RASGEF1C: variants seen among roughly 807,000 people sequenced by gnomAD.
The protein encoded by RASGEF1C is ras-GEF domain-containing family member 1C.
In RASGEF1C, 27 loss-of-function variants were observed where a neutral mutation model predicts 58.1. The observed-to-expected ratio is 0.46, with a 90% CI of 0.34 to 0.64. The LOEUF is 0.64. Ranked by LOEUF, RASGEF1C falls within the 30% of genes least tolerant of loss-of-function variation. RASGEF1C has a pLI of 0.01. For missense variants in RASGEF1C, 502 were observed against 605.1 expected (o/e 0.83, Z 1.79); for synonymous variants, 243 against 246.3 (o/e 0.99, Z 0.13).
Position 180,162,993 on chromosome 5 carries a change from C to T in RASGEF1C, c.-6-24935G>A, listed in dbSNP as rs535890116. ...AGTATCTTTGGGGGGCTGGGAGTAG[C>T]TATAGCAAACAGCATTGTATTTTAG... On this transcript the variant is annotated intron_variant, in intron 1 of 13. Transcript: ENST00000361132. Among the ~76,000 whole-genome samples, 14 of 152,220 alleles carry T rather than the reference C, an allele frequency of 9.2e-5. No individual in the cohort carries two copies. In the South Asian group the frequency reaches 2.9e-3, roughly 32 times the overall value.
At chr5:180,208,070 C>A (rs1756521315) in intron 1 of RASGEF1C, among the ~76,000 whole-genome samples, 1 of 152,144 alleles carries the variant, frequency 6.6e-6, no homozygotes. Flanking sequence ...GAGTGGACAA[C>A]CCTAGCCCCC....
At chr5:180,175,695 T>C (rs142530119) in intron 1 of RASGEF1C, among the ~76,000 whole-genome samples, 1 of 152,244 alleles carries the variant, frequency 6.6e-6, no homozygotes, top group Non-Finnish European at 1.5e-5. Context: ...AATAGTGACA[T>C]GCCTTTAAAA....
At position 180,178,908 on chromosome 5, in the gene RASGEF1C, G is replaced by C. The variant is rs183918397; in HGVS notation, c.-7+30120C>G. Among the ~76,000 whole-genome samples the C allele has an allele frequency of 2.9e-3, 439 of 152,306 alleles. 3 individuals are homozygous for C. Among genetic ancestry groups the C allele is most frequent in the African/African-American group, 0.01 (420 of 41,568 alleles). On this transcript the variant is annotated intron_variant, in intron 1 of 13. Coordinates refer to ENST00000361132, the MANE Select transcript of RASGEF1C (RefSeq NM_175062.4). ...GAAGGGACTGGAGAATGTTCTTGGG[G>C]GGGGAGGGGCGCAGGTGCCAAGGAG...
rs940717369 is a variant in RASGEF1C, at chr5:180,155,222, G to A, written c.-6-17164C>T. Among the ~76,000 whole-genome samples, 4 of 152,196 alleles carry A rather than the reference G, an allele frequency of 2.6e-5. No individual in the cohort carries two copies. The highest frequency in any genetic ancestry group is 4.1e-4 in the South Asian group (2 of 4,834). ...ATGCTAGCTCATGTCTGGCTGCCCC[G>A]AGCAGTGGTAGCATCACGTCTAGGC... On this transcript the variant is annotated intron_variant, in intron 1 of 13. Transcript: ENST00000361132. This position sits in a 1 kb window ranked among gnomAD's most constrained non-coding sequence, Gnocchi z 5.2.
intron 1 of RASGEF1C, among the ~76,000 whole-genome samples, chr5:180,188,845 G>A (rs1429964641): frequency 6.6e-6 from 1 of 152,180 alleles, no homozygotes; most frequent in East Asian, 1.9e-4. Flanking sequence ...CCCTCTAGTA[G>A]TCCTCAGTGT....
At chr5:180,135,157 A>G (rs1766450762) in intron 4 of RASGEF1C, 1 of 150,064 alleles carries the variant, frequency 6.7e-6, no homozygotes, top group Non-Finnish European at 1.5e-5. Context: ...AGAGGAGGCC[A>G]TGAGGAGCAG....
intron 11 of RASGEF1C, among the ~76,000 whole-genome samples, chr5:180,113,883 G>A (rs143230121): frequency 0.014 from 2,089 of 152,130 alleles, 23 homozygotes; most frequent in Admixed American, 0.028. Context: ...GATCGAGGAT[G>A]GATGGAGGGA....
intron 1 of RASGEF1C, among the ~76,000 whole-genome samples, chr5:180,146,608 T>TAGA (rs1358133255): frequency 2.0e-5 from 3 of 152,196 alleles, no homozygotes; most frequent in African/African-American, 4.8e-5. Flanking sequence ...TGTTAATCTA[T>TAGA]TGTATTACAT....
intron 1 of RASGEF1C, among the ~76,000 whole-genome samples, chr5:180,153,285 T>C (rs1766794364): frequency 6.6e-6 from 1 of 152,058 alleles, no homozygotes; most frequent in Non-Finnish European, 1.5e-5. Context: ...GAGTGCAAGG[T>C]CTTTATGGCC....
Position 180,108,491 on chromosome 5 carries a change from G to T in RASGEF1C, c.1303+2966C>A, listed in dbSNP as rs1046054179. Among the ~76,000 whole-genome samples the T allele has an allele frequency of 1.3e-5, 2 of 152,024 alleles. 1 individual carries two copies. Among genetic ancestry groups the T allele is most frequent in the Admixed American group, 1.3e-4 (2 of 15,256 alleles). ...GCTGGGATTACAAGCACGAGCCACCGCGCCCAGCCGTTTCAGTCTATTTTC... is the reference window on the plus strand; with the variant it reads ...GCTGGGATTACAAGCACGAGCCACCTCGCCCAGCCGTTTCAGTCTATTTTC... On this transcript the variant is annotated intron_variant, in intron 12 of 13. Transcript: ENST00000361132.
Position 180,138,071 on chromosome 5 carries a change from G to C in RASGEF1C, c.-6-13C>G, listed in dbSNP as rs4700878. ...GTGGCATGTCTGCCTGCAATGGCAAGGAGCAGTGAGGACCTGAGTGGGGGC... is the reference window on the plus strand; with the variant it reads ...GTGGCATGTCTGCCTGCAATGGCAACGAGCAGTGAGGACCTGAGTGGGGGC... On this transcript the variant is annotated splice_polypyrimidine_tract_variant and intron_variant, in intron 1 of 13. Transcript: ENST00000361132. 1,455,173 of 1,473,308 alleles carry C rather than the reference G, an allele frequency of 0.99. 720,410 individuals carry two copies. The highest frequency in any genetic ancestry group is 1 in the East Asian group (39,084 of 39,084). The allele number at this position is 1,473,308 out of a possible 1,614,324, so 91.3% of individuals were successfully genotyped here. A position where few individuals can be genotyped will look rare whatever the true frequency, so the allele number is the denominator to read the frequency against.
In RASGEF1C at chr5:180,155,529, G is replaced by T. The variant is rs1766835077; in HGVS notation, c.-6-17471C>A. ...CTCCATATGGCCTTCAACTCCTGCTGACAGATCCCGCTGTCTCCCTCAGGA... is the reference window on the plus strand; with the variant it reads ...CTCCATATGGCCTTCAACTCCTGCTTACAGATCCCGCTGTCTCCCTCAGGA... On this transcript the variant is annotated intron_variant, in intron 1 of 13. Transcript: ENST00000361132. This position sits in a 1 kb window ranked among gnomAD's most constrained non-coding sequence, Gnocchi z 5.2. 6.6e-6 allele frequency among the ~76,000 whole-genome samples: 1 copy of T among 152,092 alleles called. No homozygotes were observed. The highest frequency in any genetic ancestry group is 2.4e-5 in the African/African-American group (1 of 41,422).
intron 1 of RASGEF1C, among the ~76,000 whole-genome samples, chr5:180,192,083 A>G (rs1756174014): frequency 6.6e-6 from 1 of 152,168 alleles, no homozygotes; most frequent in African/African-American, 2.4e-5. Flanking sequence ...ATTGGGAAGG[A>G]CCCTGTGCTT....
At chr5:180,175,361 G>C (rs898983809) in intron 1 of RASGEF1C, among the ~76,000 whole-genome samples, 2 of 152,190 alleles carry the variant, frequency 1.3e-5, no homozygotes, top group African/African-American at 4.8e-5. Flanking sequence ...CCTCGCCCCA[G>C]CTCCTGAGCA....
At chr5:180,172,326 A>G (rs4700893) in intron 1 of RASGEF1C, among the ~76,000 whole-genome samples, 151,190 of 152,226 alleles carry the variant, frequency 0.99, 75,089 homozygotes, top group Non-Finnish European at 1. Context: ...GAAGGCTCCC[A>G]TGCCTCCTCC....
intron 1 of RASGEF1C, among the ~76,000 whole-genome samples, chr5:180,173,082 T>G (rs1767138976): frequency 1.3e-5 from 2 of 152,226 alleles, no homozygotes; most frequent in Admixed American, 1.3e-4. Flanking sequence ...TCCAGTTAAG[T>G]CACCTGCAGT....
At chr5:180,164,552 T>C (rs1211617291) in intron 1 of RASGEF1C, among the ~76,000 whole-genome samples, 3 of 152,232 alleles carry the variant, frequency 2.0e-5, no homozygotes, top group African/African-American at 4.8e-5. Flanking sequence ...TTTTTACCTA[T>C]GAATTATTTA....
intron 10 of RASGEF1C, among the ~76,000 whole-genome samples, chr5:180,115,069 C>T (rs1212380643): frequency 6.6e-6 from 1 of 151,968 alleles, no homozygotes; most frequent in African/African-American, 2.4e-5. Context: ...GGCTGGAGTG[C>T]AATGGCGTGA....
chr5:180,130,432 T>A (rs758342170), intron 4 of RASGEF1C, among the ~76,000 whole-genome samples: 9 of 152,194 alleles, frequency 5.9e-5, no homozygotes, highest in Admixed American at 2.0e-4. Context: ...AGGGGCACGG[T>A]CAGTCCCCTG....
Sources: allele counts gnomAD v4.1 joint callset (sites outside exome capture counted in the v4.1 genomes callset), GRCh38; gene constraint gnomAD v4.1.1; non-coding constraint Gnocchi (gnomAD v3.1); transcripts MANE v1.5; gene names NCBI Gene and HGNC (gene_info 2026-07-23, HGNC 2026-07-21).